ERBB4: variants seen among roughly 807,000 people sequenced by gnomAD.
The protein encoded by ERBB4 is receptor tyrosine-protein kinase erbB-4.
Under a neutral mutation model 158.0 loss-of-function variants are expected in ERBB4, and 42 were observed. The observed-to-expected ratio is 0.27, with a 90% CI of 0.21 to 0.34. ERBB4 has a LOEUF of 0.34. ERBB4 is among the 10% of genes least tolerant of loss of function. The pLI is 1.00. For synonymous variants in ERBB4, 583 were observed against 558.7 expected (o/e 1.04, Z -0.61); for missense variants, 1,333 against 1,624.1 (o/e 0.82, Z 3.08).
intron 4 of ERBB4, among the ~76,000 whole-genome samples, chr2:211,781,467 T>C (rs2076034890): frequency 1.3e-5 from 2 of 152,172 alleles, no homozygotes; most frequent in Admixed American, 1.3e-4. Context: ...CCTGGCGTAA[T>C]CAAAGAAAAA....
At chr2:212,510,776 C>T (rs1691473834) in intron 1 of ERBB4, among the ~76,000 whole-genome samples, 1 of 151,858 alleles carries the variant, frequency 6.6e-6, no homozygotes, top group South Asian at 2.1e-4. Context: ...ATTCATATTC[C>T]ACCAATAAAA....
At chr2:212,014,358 A>G (rs1023987406) in intron 2 of ERBB4, among the ~76,000 whole-genome samples, 2 of 152,220 alleles carry the variant, frequency 1.3e-5, no homozygotes, top group African/African-American at 4.8e-5. Flanking sequence ...AAAGTAGTTC[A>G]AAACAACTTG....
At chr2:211,817,888 C>T (rs1024966065) in intron 3 of ERBB4, among the ~76,000 whole-genome samples, 1 of 152,072 alleles carries the variant, frequency 6.6e-6, no homozygotes, top group Admixed American at 6.6e-5. Flanking sequence ...AATTTGGGAC[C>T]CCAACATTGC....
intron 2 of ERBB4, among the ~76,000 whole-genome samples, chr2:212,096,832 C>T (rs1394611706): frequency 6.6e-6 from 1 of 152,098 alleles, no homozygotes; most frequent in Non-Finnish European, 1.5e-5. Flanking sequence ...GGATTCTATT[C>T]AGCTGGAATC....
At chr2:212,188,366 T>C (rs1379203173) in intron 1 of ERBB4, among the ~76,000 whole-genome samples, 3 of 149,876 alleles carry the variant, frequency 2.0e-5, no homozygotes, top group Admixed American at 6.7e-5. Context: ...CTCTTGCCTG[T>C]ATTATAACAT....
At chr2:211,491,352 A>T (rs1253530604) in intron 20 of ERBB4, among the ~76,000 whole-genome samples, 1 of 152,092 alleles carries the variant, frequency 6.6e-6, no homozygotes. Flanking sequence ...ATAGGTATCA[A>T]TATCTCCTGC....
intron 1 of ERBB4, among the ~76,000 whole-genome samples, chr2:212,250,133 T>A (rs1420474106): frequency 6.6e-6 from 1 of 152,026 alleles, no homozygotes; most frequent in Admixed American, 6.6e-5. Context: ...AGAAAAATAC[T>A]TTAGATGTTT....
chr2:211,726,578 T>C (rs1430427570), intron 5 of ERBB4, among the ~76,000 whole-genome samples: 4 of 152,172 alleles, frequency 2.6e-5, no homozygotes, highest in Non-Finnish European at 5.9e-5. Flanking sequence ...TCCTACCTAA[T>C]AAAATTGCCA....
intron 20 of ERBB4, among the ~76,000 whole-genome samples, chr2:211,518,499 C>A (rs149939228): frequency 0.05 from 7,540 of 151,954 alleles, 288 homozygotes; most frequent in Non-Finnish European, 0.075. Flanking sequence ...ACTAAAAATA[C>A]CAAAATTAGC....
At chr2:212,337,948 C>G (rs770677025) in intron 1 of ERBB4, among the ~76,000 whole-genome samples, 4 of 152,078 alleles carry the variant, frequency 2.6e-5, no homozygotes, top group Non-Finnish European at 5.9e-5. Context: ...TACAGCTTAT[C>G]TTTCAAAGCA....
At chr2:212,054,625 T>A (rs923713986) in intron 2 of ERBB4, among the ~76,000 whole-genome samples, 7 of 152,196 alleles carry the variant, frequency 4.6e-5, no homozygotes, top group Admixed American at 3.9e-4. Flanking sequence ...CCATTTTCTC[T>A]TCTTCCCTCT....
intron 4 of ERBB4, chr2:211,777,193 C>T (rs1166767826): frequency 6.6e-6 from 1 of 152,152 alleles, no homozygotes; most frequent in Non-Finnish European, 1.5e-5. Context: ...TTGTTATGTC[C>T]TTCAAGCATG....
At chr2:211,965,107 T>TG (rs2081277053) in intron 2 of ERBB4, among the ~76,000 whole-genome samples, 1 of 152,176 alleles carries the variant, frequency 6.6e-6, no homozygotes, top group Non-Finnish European at 1.5e-5. Context: ...TAATTGCCTC[T>TG]GCAATACCAT....
At chr2:211,443,875 A>G (rs935969392) in intron 20 of ERBB4, among the ~76,000 whole-genome samples, 5 of 152,110 alleles carry the variant, frequency 3.3e-5, no homozygotes, top group African/African-American at 9.7e-5. Context: ...GTAAAACTCA[A>G]TGTTGATAGT....
intron 1 of ERBB4, among the ~76,000 whole-genome samples, chr2:212,263,903 T>C (rs903133655): frequency 6.6e-6 from 1 of 152,042 alleles, no homozygotes; most frequent in African/African-American, 2.4e-5. Context: ...TAATAATCAC[T>C]TCTCAGATGC....
chr2:212,102,153 T>C (rs903351015), intron 2 of ERBB4, among the ~76,000 whole-genome samples: 1 of 145,898 alleles, frequency 6.9e-6, no homozygotes, highest in Non-Finnish European at 1.5e-5. Flanking sequence ...TCTATCTTCC[T>C]TTAAAAATGT....
intron 19 of ERBB4, among the ~76,000 whole-genome samples, chr2:211,583,705 A>C (rs1193318507): frequency 6.6e-6 from 1 of 151,590 alleles, no homozygotes; most frequent in Non-Finnish European, 1.5e-5. Flanking sequence ...AAATCTAGTA[A>C]AATATTTTTT....
intron 25 of ERBB4, among the ~76,000 whole-genome samples, chr2:211,392,558 CCACACACACACACACACACACACA>C (rs5838261): frequency 7.1e-6 from 1 of 140,918 alleles, no homozygotes; most frequent in African/African-American, 2.6e-5. Context: ...CTCTCTTACT[CCACACACACACACACACACACACA>C]CACACACACA....
chr2:211,454,698 C>T (rs914892097), intron 20 of ERBB4, among the ~76,000 whole-genome samples: 4 of 152,162 alleles, frequency 2.6e-5, no homozygotes, highest in African/African-American at 2.4e-5. Flanking sequence ...TTTACATCTC[C>T]TATTCCCTGT....
Sources: allele counts gnomAD v4.1 joint callset (sites outside exome capture counted in the v4.1 genomes callset), GRCh38; gene constraint gnomAD v4.1.1; transcripts MANE v1.5; gene names NCBI Gene and HGNC (gene_info 2026-07-23, HGNC 2026-07-21).